Variants in IDH3A observed in about 807,000 individuals in gnomAD.
IDH3A encodes isocitrate dehydrogenase (NAD(+)) 3 catalytic subunit alpha.
A neutral mutation model predicts 43.3 loss-of-function variants in IDH3A; 23 were observed. The ratio of observed to expected loss-of-function variants is 0.53; its 90% confidence interval spans 0.38 to 0.75. IDH3A has a LOEUF of 0.75. IDH3A is among the 30% of genes least tolerant of loss of function. The probability of loss-of-function intolerance (pLI) is 0.00; values close to 1 mark genes in which losing one functional copy is unlikely to be tolerated. For synonymous variants in IDH3A, 154 were observed against 163.5 expected, an observed-to-expected ratio of 0.94 and a Z score of 0.44; for missense variants, 329 against 474.4, an observed-to-expected ratio of 0.69 and a Z score of 2.85.
intron 2 of IDH3A, chr15:78,155,771 G>A (rs1412104227): frequency 6.5e-6 from 1 of 152,832 alleles, no homozygotes; most frequent in Non-Finnish European, 1.5e-5. Context: ...CACAGTAGTA[G>A]ATCATCTATT....
At chr15:78,149,847 C>T (rs895510423) in intron 1 of IDH3A, among the ~76,000 whole-genome samples, 2 of 152,272 alleles carry the variant, frequency 1.3e-5, no homozygotes, top group African/African-American at 4.8e-5. Context: ...ATCCCCTCAG[C>T]ACTGCCCACA....
In IDH3A at chr15:78,169,253, A is replaced by G; in HGVS notation, c.*248A>G. The G allele has an allele frequency of 3.2e-6, 1 of 311,832 alleles. No homozygotes were observed. Among genetic ancestry groups the G allele is most frequent in the Non-Finnish European group, 5.9e-6 (1 of 170,660 alleles). The allele number at this position is 311,832 out of a possible 1,614,324, so 19.3% of individuals were successfully genotyped here. On this transcript the variant is annotated 3_prime_UTR_variant, in exon 11 of 11. Transcript: ENST00000299518. ...TACCTGGTAAATGTTTTTTTTGTAA[A>G]CTCTGAGTGGACTGTATCATTTGCT...
At position 78,163,416 on chromosome 15, in the gene IDH3A, T is replaced by C. The variant is rs1333120185; in HGVS notation, c.612-91T>C. On this transcript the variant is annotated intron_variant, in intron 6 of 10. Transcript: ENST00000299518. ...ATCAGGTAGCTTGGCTTCTGGAACTTAAATGTCTTGAACTTACTTTACTTC... is the reference window on the plus strand; with the variant it reads ...ATCAGGTAGCTTGGCTTCTGGAACTCAAATGTCTTGAACTTACTTTACTTC... 6 of 871,890 alleles carry C rather than the reference T, an allele frequency of 6.9e-6. No homozygotes were observed. The Admixed American group carries it at 9.4e-5, about 14-fold the overall frequency. The allele number at this position is 871,890 out of a possible 1,614,324, so 54.0% of individuals were successfully genotyped here. A position where few individuals can be genotyped will look rare whatever the true frequency, so the allele number is the denominator to read the frequency against.
chr15:78,155,099 C>T, intron 1 of IDH3A, 114 bp from the exon 2 acceptor site: 1 of 630,576 alleles, frequency 1.6e-6, no homozygotes, highest in Non-Finnish European at 2.8e-6. Flanking sequence ...TGGGAAGCTA[C>T]TGAATATATC....
At position 78,166,227 on chromosome 15, in the gene IDH3A, G is replaced by A. The variant is rs765162383; in HGVS notation, c.942G>A (p.Met314Ile). 1 of 1,614,168 alleles carries A rather than the reference G, an allele frequency of 6.2e-7. No individual in the cohort carries two copies. The highest frequency in any genetic ancestry group is 1.3e-5 in the African/African-American group (1 of 75,040). ...PTALLLSAVMMLRHMGLFDHA... is the reference protein window; with the variant it reads ...PTALLLSAVMILRHMGLFDHA... ...CCCTCCTGCTCAGTGCCGTGATGAT[G>A]CTGCGCCACATGGGACTTTTTGACC... The change falls in exon 10 of 11, where the codon ATG becomes ATA. Residue 314 changes from methionine (M) to isoleucine (I), a missense_variant. By Grantham distance (10) the Met-to-Ile change is conservative. Transcript: ENST00000299518.
chr15:78,169,176 G>T lies in IDH3A; in HGVS notation c.*171G>T, dbSNP rs541461978. ...CAAAAGATGCAGGTGGATGTCCCTA[G>T]GTCTGTTTTCAAAGAACTTTTTCCA... On this transcript the variant is annotated 3_prime_UTR_variant, in exon 11 of 11. Transcript: ENST00000299518. The T allele has an allele frequency of 6.7e-5, 28 of 418,446 alleles. No individual in the cohort carries two copies. Among genetic ancestry groups the T allele is most frequent in the Middle Eastern group, 6.2e-4 (1 of 1,618 alleles). 25.9% of individuals were successfully genotyped at this position (418,446 alleles called of 1,614,324 possible).
intron 5 of IDH3A, among the ~76,000 whole-genome samples, chr15:78,162,015 C>A (rs887580634): frequency 2.0e-5 from 3 of 152,212 alleles, no homozygotes; most frequent in Non-Finnish European, 4.4e-5. Context: ...ACTGTCTCTG[C>A]ATCTCAGTTT....
chr15:78,166,144 G>A lies in IDH3A; in HGVS notation c.865-6G>A, dbSNP rs759517078. ...CCTTGATGATGCTACTTTTCCCGAT[G>A]TGTAGGTTCATGGGACGGCTCCAGA... On this transcript the variant is annotated splice_region_variant and splice_polypyrimidine_tract_variant and intron_variant, in intron 9 of 10. Transcript: ENST00000299518. 2.8e-5 allele frequency: 45 copies of A among 1,613,284 alleles called. No individual in the cohort carries two copies. The highest frequency in any genetic ancestry group is 2.6e-4 in the South Asian group (24 of 91,084).
intron 8 of IDH3A, 140 bp from the exon 9 acceptor site, chr15:78,164,852 C>G (rs2074721838): frequency 3.0e-6 from 2 of 656,560 alleles, no homozygotes; most frequent in Admixed American, 5.0e-5. Flanking sequence ...ATTTTCCTAA[C>G]CTTTGCCCTG....
At chr15:78,157,321 C>G in intron 2 of IDH3A, 1 of 662,688 alleles carries the variant, frequency 1.5e-6, no homozygotes, top group East Asian at 3.3e-5. Flanking sequence ...TCATTTGGTT[C>G]TTTTTAAAAC....
chr15:78,163,157 G>C (rs2074701950), intron 6 of IDH3A, among the ~76,000 whole-genome samples: 2 of 152,268 alleles, frequency 1.3e-5, no homozygotes, highest in Admixed American at 6.5e-5. Flanking sequence ...GAAAAGCATT[G>C]AACATGCAAA....
At chr15:78,162,777 C>G (rs1191436960) in intron 6 of IDH3A, among the ~76,000 whole-genome samples, 1 of 152,166 alleles carries the variant, frequency 6.6e-6, no homozygotes, top group Non-Finnish European at 1.5e-5. Context: ...AACTCCTGAC[C>G]TTAAGTGATC....
chr15:78,162,458 T>C, intron 6 of IDH3A, 91 bp downstream of exon 6: 2 of 1,365,880 alleles, frequency 1.5e-6, no homozygotes, highest in Non-Finnish European at 2.0e-6. Context: ...GCTTGTTCCT[T>C]GATTCCTAAT....
chr15:78,171,245 C>A lies in IDH3A; in HGVS notation c.*2240C>A. 1 of 484,058 alleles carries A rather than the reference C, an allele frequency of 2.1e-6. No homozygotes were observed. Among genetic ancestry groups the A allele is most frequent in the Non-Finnish European group, 3.7e-6 (1 of 269,190 alleles). 30.0% of individuals were successfully genotyped at this position (484,058 alleles called of 1,614,324 possible). A position where few individuals can be genotyped will look rare whatever the true frequency, so the allele number is the denominator to read the frequency against. On this transcript the variant is annotated 3_prime_UTR_variant, in exon 11 of 11. Transcript: ENST00000299518. ...AATACTTAAACTGAATTAAAACTACCCACACGTGAAGCTTCTTGGAATTGT... is the reference window on the plus strand; with the variant it reads ...AATACTTAAACTGAATTAAAACTACACACACGTGAAGCTTCTTGGAATTGT...
At chr15:78,156,858 G>A in intron 2 of IDH3A, 1 of 1,322,810 alleles carries the variant, frequency 7.6e-7, no homozygotes, top group Non-Finnish European at 1.0e-6. Context: ...TTCTAAGTGT[G>A]ACTCAGGCTT....
At chr15:78,162,093 T>A (rs2074686396) in intron 5 of IDH3A, 141 bp from the exon 6 acceptor site, 2 of 804,080 alleles carry the variant, frequency 2.5e-6, no homozygotes, top group Non-Finnish European at 4.1e-6. Context: ...AACCCCATTG[T>A]CGTAGCAGTG....
intron 4 of IDH3A, among the ~76,000 whole-genome samples, chr15:78,160,864 T>G (rs2074675103): frequency 6.6e-6 from 1 of 151,562 alleles, no homozygotes; most frequent in Non-Finnish European, 1.5e-5. Flanking sequence ...TAGCATGTGG[T>G]AGATTTAAAT....
At chr15:78,159,840 A>C in intron 3 of IDH3A, 1 of 361,892 alleles carries the variant, frequency 2.8e-6, no homozygotes. Flanking sequence ...AAAAAATACA[A>C]AAAAATTAGC....
chr15:78,164,236 AC>A (rs1267281898), intron 8 of IDH3A, among the ~76,000 whole-genome samples: 1 of 135,294 alleles, frequency 7.4e-6, no homozygotes, highest in East Asian at 2.2e-4. Context: ...TTACTTTATT[AC>A]TCCTTCCCAC....
Sources: allele counts gnomAD v4.1 joint callset (sites outside exome capture counted in the v4.1 genomes callset), GRCh38; gene constraint gnomAD v4.1.1; transcripts MANE v1.5; gene names NCBI Gene and HGNC (gene_info 2026-07-23, HGNC 2026-07-21).